DEXI: variants seen among roughly 807,000 people sequenced by gnomAD.
DEXI encodes dexamethasone-induced protein.
Under a neutral mutation model 2.5 loss-of-function variants are expected in DEXI, and 2 were observed. The observed-to-expected ratio is 0.81, with a 90% confidence interval of 0.33 to 2.55. DEXI has a LOEUF of 2.55. Among genes scored for constraint, DEXI ranks in the 30% most tolerant of loss-of-function variants. The probability of loss-of-function intolerance (pLI) is 0.11; values close to 1 mark genes in which losing one functional copy is unlikely to be tolerated. For missense variants in DEXI, 108 were observed against 130.3 expected (o/e 0.83, Z 0.83); for synonymous variants, 71 against 68.7 (o/e 1.03, Z -0.17).
Position 10,937,796 on chromosome 16 carries a change from C to G in DEXI, c.*149+3773G>C. The stretch of plus-strand genomic sequence containing the variant: ...GAGGGAGCTCCCGATTCCCCATTCC[C>G]TGCTCCTGGGCAACAATTAACACTC... On this transcript the variant is annotated intron_variant, in intron 1 of 1. Transcript: ENST00000331808. This position sits in a 1 kb window ranked among gnomAD's most constrained non-coding sequence, Gnocchi z 4.2. 6.6e-6 allele frequency: 1 copy of G among 152,272 alleles called. No homozygotes were observed. The highest frequency in any genetic ancestry group is 2.1e-4 in the South Asian group (1 of 4,828). The allele number at this position is 152,272 out of a possible 1,614,324, so 9.4% of individuals were successfully genotyped here. A position where few individuals can be genotyped will look rare whatever the true frequency, so the allele number is the denominator to read the frequency against.
At chr16:10,930,302 T>C (rs1476652916) in intron 1 of DEXI, 1 of 152,240 alleles carries the variant, frequency 6.6e-6, no homozygotes, top group Non-Finnish European at 1.5e-5. Context: ...TGTATTGTTG[T>C]TTGACAGGGT....
At chr16:10,930,069 T>G (rs545710018) in intron 1 of DEXI, 1 of 152,350 alleles carries the variant, frequency 6.6e-6, no homozygotes, top group Non-Finnish European at 1.5e-5. Flanking sequence ...GGATGCAGCA[T>G]CATCTCCATG....
At chr16:10,935,332 T>A (rs1269248043) in intron 1 of DEXI, 1 of 152,248 alleles carries the variant, frequency 6.6e-6, no homozygotes, top group Non-Finnish European at 1.5e-5. Context: ...TTCAGTTTGG[T>A]GCTGGTATAT....
In DEXI at chr16:10,938,220, A is replaced by G. The variant is rs1311588302; in HGVS notation, c.*149+3349T>C. On this transcript the variant is annotated intron_variant, in intron 1 of 1. Coordinates refer to ENST00000331808, the MANE Select transcript of DEXI (RefSeq NM_014015.4). This position sits in a 1 kb window ranked among gnomAD's most constrained non-coding sequence, Gnocchi z 4.9. ...CTTCTAGAAGAGGAAACCAAAGTAC[A>G]GGGAGGTTAAGCAGCATGCCCAAGG... is the stretch of plus-strand genomic sequence containing the variant. The G allele has an allele frequency of 6.6e-6, 1 of 152,204 alleles. No homozygotes were observed. The highest frequency in any genetic ancestry group is 1.5e-5 in the Non-Finnish European group (1 of 68,044). The allele number at this position is 152,204 out of a possible 1,614,324, so 9.4% of individuals were successfully genotyped here.
In DEXI at chr16:10,938,652, T is replaced by C. The variant is rs1316384940; in HGVS notation, c.*149+2917A>G. 3 of 152,202 alleles carry C rather than the reference T, an allele frequency of 2.0e-5. No individual in the cohort carries two copies. Among genetic ancestry groups the C allele is most frequent in the Non-Finnish European group, 4.4e-5 (3 of 68,052 alleles). 9.4% of individuals were successfully genotyped at this position (152,202 alleles called of 1,614,324 possible). On this transcript the variant is annotated intron_variant, in intron 1 of 1. Transcript: ENST00000331808. The surrounding 1 kb of genome is among the most constrained non-coding windows in gnomAD (Gnocchi z 4.9). ...AGCTACCCCTCTCATACCCTGGGGT[T>C]CTGAGCTTCCTCGGCACTTGGGGGC...
rs1027097803 is a variant in DEXI at position 10,938,540 on chromosome 16, C to A, written c.*149+3029G>T. On this transcript the variant is annotated intron_variant, in intron 1 of 1. Transcript: ENST00000331808. This position sits in a 1 kb window ranked among gnomAD's most constrained non-coding sequence, Gnocchi z 4.9. ...GCTGAGAAAGAGCAGGACTGACTAC[C>A]GGCGTTCCCCTGCTTATGGAAAGGG... 6.6e-6 allele frequency: 1 copy of A among 152,120 alleles called. No homozygotes were observed. The highest frequency in any genetic ancestry group is 2.4e-5 in the African/African-American group (1 of 41,406). 9.4% of individuals were successfully genotyped at this position (152,120 alleles called of 1,614,324 possible). A position where few individuals can be genotyped will look rare whatever the true frequency, so the allele number is the denominator to read the frequency against.
Position 10,937,158 on chromosome 16 carries a change from A to C in DEXI, c.*149+4411T>G, listed in dbSNP as rs997570921. 11 of 152,320 alleles carry C rather than the reference A, an allele frequency of 7.2e-5. No individual in the cohort carries two copies. Among genetic ancestry groups the C allele is most frequent in the African/African-American group, 2.2e-4 (9 of 41,464 alleles). 9.4% of individuals were successfully genotyped at this position (152,320 alleles called of 1,614,324 possible). On this transcript the variant is annotated intron_variant, in intron 1 of 1. Transcript: ENST00000331808. This position sits in a 1 kb window ranked among gnomAD's most constrained non-coding sequence, Gnocchi z 4.2. ...CTGGCACCAATGTACCCTATGGCCA[A>C]GGACCTTCTGGGTGAGCCTCATGTC...
chr16:10,941,813 G>T lies in DEXI; in HGVS notation c.193C>A (p.Gln65Lys). Reference sequence around the variant, plus strand: ...AGCACGCCGAGGTCCACGAGCGCCTGGTCCATGTCCTCGGGCAGGAAGACG... The same window carrying T: ...AGCACGCCGAGGTCCACGAGCGCCTTGTCCATGTCCTCGGGCAGGAAGACG... ...GLVFLPEDMD[Q>K]ALVDLGVLSD... Residue 65 changes from glutamine (Q) to lysine (K), a missense_variant, in exon 1 of 2, where the codon CAG (glutamine) becomes AAG (lysine). By Grantham distance (53) the Gln-to-Lys change is moderately conservative. Transcript: ENST00000331808. This position sits in a 1 kb window ranked among gnomAD's most constrained non-coding sequence, Gnocchi z 6.4. 1.9e-6 allele frequency: 3 copies of T among 1,613,590 alleles called. No homozygotes were observed. The highest frequency in any genetic ancestry group is 2.5e-6 in the Non-Finnish European group (3 of 1,179,858).
At chr16:10,933,724 A>G (rs1234095767) in intron 1 of DEXI, 1 of 152,284 alleles carries the variant, frequency 6.6e-6, no homozygotes, top group Non-Finnish European at 1.5e-5. Flanking sequence ...TTCTGAAAGC[A>G]GCAGCACTTT....
intron 1 of DEXI, chr16:10,936,429 A>C (rs1385042871): frequency 6.6e-6 from 1 of 152,222 alleles, no homozygotes; most frequent in African/African-American, 2.4e-5. Context: ...ATGCTTATGA[A>C]AATTACACAT....
Position 10,941,517 on chromosome 16 carries a change from T to C in DEXI, c.*149+52A>G. 7.2e-7 allele frequency: 1 copy of C among 1,392,108 alleles called. No individual in the cohort carries two copies. 86.2% of individuals were successfully genotyped at this position (1,392,108 alleles called of 1,614,324 possible). On this transcript the variant is annotated intron_variant, in intron 1 of 1. Coordinates refer to ENST00000331808, the MANE Select transcript of DEXI (RefSeq NM_014015.4). The surrounding 1 kb of genome is among the most constrained non-coding windows in gnomAD (Gnocchi z 6.4). ...TATCCGGCCTGGGAATTCCTCCCTCTCCCTTGCTAGCGCCCCAACCCGCCC... is the reference window on the plus strand; with the variant it reads ...TATCCGGCCTGGGAATTCCTCCCTCCCCCTTGCTAGCGCCCCAACCCGCCC...
chr16:10,936,473 TACAA>T (rs2041025037), intron 1 of DEXI: 1 of 152,226 alleles, frequency 6.6e-6, no homozygotes, highest in Non-Finnish European at 1.5e-5. Flanking sequence ...GGCATGCATA[TACAA>T]ACAGAGGGAA....
At position 10,942,057 on chromosome 16, in the gene DEXI, G is replaced by A; in HGVS notation, c.-52C>T. The A allele has an allele frequency of 7.5e-7, 1 of 1,329,256 alleles. No individual in the cohort carries two copies. Among genetic ancestry groups the A allele is most frequent in the East Asian group, 3.2e-5 (1 of 31,472 alleles). 82.3% of individuals were successfully genotyped at this position (1,329,256 alleles called of 1,614,324 possible). On this transcript the variant is annotated 5_prime_UTR_variant, in exon 1 of 2. Transcript: ENST00000331808. The surrounding 1 kb of genome is among the most constrained non-coding windows in gnomAD (Gnocchi z 5.0). Reference sequence around the variant, plus strand: ...GGCGATCCCGGCGAACTCAGCCGCTGCGGCGCCCGGGCGGCCGGCGAGGGC... The same window carrying A: ...GGCGATCCCGGCGAACTCAGCCGCTACGGCGCCCGGGCGGCCGGCGAGGGC...
At chr16:10,931,885 TGTCTCAA>T (rs1349039727) in intron 1 of DEXI, 1 of 152,204 alleles carries the variant, frequency 6.6e-6, no homozygotes, top group Non-Finnish European at 1.5e-5. Context: ...AGTGAGACTC[TGTCTCAA>T]AAAAACACAA....
rs2041041548 is a variant in DEXI at position 10,937,243 on chromosome 16, T to C, written c.*149+4326A>G. 1 of 152,316 alleles carries C rather than the reference T, an allele frequency of 6.6e-6. No individual in the cohort carries two copies. Among genetic ancestry groups the C allele is most frequent in the African/African-American group, 2.4e-5 (1 of 41,454 alleles). 9.4% of individuals were successfully genotyped at this position (152,316 alleles called of 1,614,324 possible). A position where few individuals can be genotyped will look rare whatever the true frequency, so the allele number is the denominator to read the frequency against. ...GTATACTTGCCTCCCTGTGTCACCA[T>C]TGTCTGTCTCTTGCTTAGATGACAG... On this transcript the variant is annotated intron_variant, in intron 1 of 1. Coordinates refer to ENST00000331808, the MANE Select transcript of DEXI (RefSeq NM_014015.4). The surrounding 1 kb of genome is among the most constrained non-coding windows in gnomAD (Gnocchi z 4.2).
intron 1 of DEXI, chr16:10,931,423 CTT>C (rs2040787916): frequency 6.6e-6 from 1 of 151,998 alleles, no homozygotes; most frequent in Non-Finnish European, 1.5e-5. Context: ...TAGCTGCCCT[CTT>C]GTGTGCAGAT....
intron 1 of DEXI, chr16:10,931,583 C>T (rs1596646459): frequency 1.3e-5 from 2 of 152,354 alleles, no homozygotes; most frequent in South Asian, 2.1e-4. Context: ...GTCGCTCACA[C>T]CTGTAATCCC....
Position 10,941,614 on chromosome 16 carries a change from G to A in DEXI, c.*104C>T, listed in dbSNP as rs993332373. Reference sequence around the variant, plus strand: ...GGTCTCCTCCTGGGGAACCATCCCCGTCCAGATGGTGCCCCCAACCAGCTG... The same window carrying A: ...GGTCTCCTCCTGGGGAACCATCCCCATCCAGATGGTGCCCCCAACCAGCTG... On this transcript the variant is annotated 3_prime_UTR_variant, in exon 1 of 2. Coordinates refer to ENST00000331808, the MANE Select transcript of DEXI (RefSeq NM_014015.4). The surrounding 1 kb of genome is among the most constrained non-coding windows in gnomAD (Gnocchi z 6.4). 28 of 1,507,104 alleles carry A rather than the reference G, an allele frequency of 1.9e-5. No homozygotes were observed. The East Asian group carries it at 2.8e-4, about 15-fold the overall frequency. 93.4% of individuals were successfully genotyped at this position (1,507,104 alleles called of 1,614,324 possible).
At chr16:10,932,325 C>T (rs1226865394) in intron 1 of DEXI, 1 of 152,228 alleles carries the variant, frequency 6.6e-6, no homozygotes. Flanking sequence ...TTGTACTACT[C>T]GAACTCATGT....
Sources: gnomAD v4.1 joint callset for allele counts on GRCh38, gnomAD v4.1.1 for gene constraint, Gnocchi (gnomAD v3.1) non-coding constraint, MANE v1.5 for transcripts, NCBI Gene and HGNC (gene_info 2026-07-23, HGNC 2026-07-21) for gene names.